The following DNAH6 variants were observed in gnomAD, a reference collection of about 807,000 sequenced individuals.
DNAH6 encodes the protein axonemal beta dynein heavy chain 6.
A neutral mutation model predicts 491.4 loss-of-function variants in DNAH6; 340 were observed. The observed-to-expected ratio is 0.69, with a 90% CI of 0.63 to 0.76. DNAH6 has a LOEUF of 0.76. Ranked by LOEUF, DNAH6 falls within the 30% of genes least tolerant of loss-of-function variation. The pLI is 0.00. For synonymous variants in DNAH6, 1,603 were observed against 1,686.1 expected (o/e 0.95, Z 1.21); for missense variants, 4,443 against 4,972.2 (o/e 0.89, Z 3.20).
At chr2:84,503,723 A>G in the DNAH6 span, among the ~76,000 whole-genome samples, 8 of 148,678 alleles carry the variant, frequency 5.4e-5, no homozygotes, top group Non-Finnish European at 8.9e-5. Flanking sequence ...ATGTCATGCC[A>G]CTCTCTCCTG....
intron 63 of DNAH6, among the ~76,000 whole-genome samples, chr2:84,759,931 G>A (rs921448287): frequency 6.6e-6 from 1 of 152,162 alleles, no homozygotes; most frequent in African/African-American, 2.4e-5. Context: ...CAAGGCTATA[G>A]TAATGAAAAC....
chr2:84,762,998 T>C, intron 64 of DNAH6, 53 bp downstream of exon 64: 3 of 1,402,274 alleles, frequency 2.1e-6, no homozygotes, highest in Non-Finnish European at 3.0e-6. Flanking sequence ...AACATCTCTT[T>C]GTTAAAATTT....
At chr2:84,523,448 A>G (rs1032064497) in intron 2 of DNAH6, among the ~76,000 whole-genome samples, 1 of 151,566 alleles carries the variant, frequency 6.6e-6, no homozygotes, top group Non-Finnish European at 1.5e-5. Context: ...TTATTTCTCA[A>G]TATCCTTCAG....
intron 41 of DNAH6, among the ~76,000 whole-genome samples, chr2:84,679,071 T>C (rs1693526581): frequency 6.6e-6 from 1 of 151,670 alleles, no homozygotes; most frequent in African/African-American, 2.4e-5. Flanking sequence ...TAATCAAGAA[T>C]TGAAGAAGAG....
intron 76 of DNAH6, 27 bp from the exon 77 acceptor site, chr2:84,819,278 A>AC (rs112294720): frequency 0.04 from 59,431 of 1,472,152 alleles, 2,772 homozygotes; most frequent in African/African-American, 0.23. Context: ...TTAAGTAACA[A>AC]CCTTTTTTTC....
At position 84,797,588 on chromosome 2, in the gene DNAH6, T is replaced by C. The variant is rs906181593; in HGVS notation, c.11411T>C (p.Ile3804Thr). 3.2e-6 allele frequency: 5 copies of C among 1,551,612 alleles called. No homozygotes were observed. Among genetic ancestry groups the C allele is most frequent in the East Asian group, 4.9e-5 (2 of 40,932 alleles). ...ADSLQEFKDY[I>T]ENLPLIDDPE... ...AGCCTACAAGAGTTTAAGGACTACA[T>C]TGAAAATCTGCCTTTGATCGATGAC... is the stretch of plus-strand genomic sequence containing the variant. Residue 3804 changes from isoleucine (I) to threonine (T), a missense_variant, in exon 70 of 77, where the codon ATT becomes ACT. Physicochemically the swap from Ile to Thr is moderately conservative, Grantham distance 89. Around this residue, in one of 3 missense-constraint regions of DNAH6, gnomAD observed 1,463 missense variants for 1,656.6 expected, o/e 0.88. Transcript: ENST00000389394.
rs1297440533 is a variant in DNAH6 at position 84,722,802 on chromosome 2, C to CAGG, written c.9971_9972+1dup. 2.7e-6 allele frequency: 4 copies of CAGG among 1,469,194 alleles called. No individual in the cohort carries two copies. The highest frequency in any genetic ancestry group is 2.8e-5 in the Admixed American group (1 of 35,174). The allele number at this position is 1,469,194 out of a possible 1,614,324, so 91.0% of individuals were successfully genotyped here. On this transcript the variant is annotated inframe_insertion and splice_region_variant, in exon 60 of 77. Coordinates refer to ENST00000389394, the MANE Select transcript of DNAH6 (RefSeq NM_001370.2). ...CCAGTACTCATTAAAATACTTTAAA[C>CAGG]AGGTAAGTGTGTTCATGTTGTTAAT... is the stretch of plus-strand genomic sequence containing the variant.
At chr2:84,479,129 C>G in the DNAH6 span, among the ~76,000 whole-genome samples, 1 of 152,240 alleles carries the variant, frequency 6.6e-6, no homozygotes. Flanking sequence ...CCGTAGTCTC[C>G]AACATTCAGC....
At chr2:84,783,806 T>C (rs567846299) in intron 65 of DNAH6, among the ~76,000 whole-genome samples, 1 of 152,296 alleles carries the variant, frequency 6.6e-6, no homozygotes, top group East Asian at 1.9e-4. Flanking sequence ...TACGTTGTGT[T>C]AGAACATGGT....
At chr2:84,634,668 A>G in intron 30 of DNAH6, 27 bp downstream of exon 30, 1 of 1,478,962 alleles carries the variant, frequency 6.8e-7, no homozygotes, top group Non-Finnish European at 9.0e-7. Context: ...TCGACTTTCA[A>G]GGTAGCAATC....
At chr2:84,523,396 C>CA (rs770629783) in intron 2 of DNAH6, among the ~76,000 whole-genome samples, 5 of 151,874 alleles carry the variant, frequency 3.3e-5, no homozygotes, top group Non-Finnish European at 5.9e-5. Flanking sequence ...TTAATGTCTT[C>CA]AAAAAACCAA....
chr2:84,694,863 A>G (rs1423398740), intron 46 of DNAH6, among the ~76,000 whole-genome samples: 1 of 152,206 alleles, frequency 6.6e-6, no homozygotes, highest in East Asian at 1.9e-4. Context: ...TTTGGGTTAA[A>G]TTACCTTTAA....
intron 35 of DNAH6, among the ~76,000 whole-genome samples, chr2:84,656,447 C>A (rs1360141153): frequency 6.6e-6 from 1 of 152,080 alleles, no homozygotes; most frequent in Non-Finnish European, 1.5e-5. Flanking sequence ...TCCTTGCCAG[C>A]ATTTGGCATT....
intron 22 of DNAH6, among the ~76,000 whole-genome samples, chr2:84,616,346 A>G (rs1055035221): frequency 2.6e-5 from 4 of 152,020 alleles, no homozygotes; most frequent in African/African-American, 7.2e-5. Context: ...TAATTGTTTT[A>G]TAAATTTATA....
In DNAH6 at chr2:84,531,218, G is replaced by A. The variant is rs190398361; in HGVS notation, c.662+2052G>A. On this transcript the variant is annotated intron_variant, in intron 4 of 76. Transcript: ENST00000389394. ...ATGAGATATGCATTTATCCCAGTGA[G>A]CACAGGGGTCACTTTGAATAGAATG... Among the ~76,000 whole-genome samples the A allele has an allele frequency of 5.3e-5, 8 of 152,218 alleles. No individual in the cohort carries two copies. The East Asian group carries it at 1.4e-3, about 26-fold the overall frequency.
In DNAH6 at chr2:84,557,908, T is replaced by G. The variant is rs1251259363; in HGVS notation, c.1776T>G (p.Asn592Lys). ...SLAAVFEDDK[N>K]FHTIISQIKE... ...CAGCAGTATTTGAGGATGATAAGAA[T>G]TTTCACACAATTATTTCTCAAATAA... is the stretch of plus-strand genomic sequence containing the variant. Residue 592 changes from asparagine (N) to lysine (K), a missense_variant, in exon 11 of 77, where the codon AAT (asparagine) becomes AAG (lysine). By Grantham distance (94) the Asn-to-Lys change is moderately conservative. Coordinates refer to ENST00000389394, the MANE Select transcript of DNAH6 (RefSeq NM_001370.2). 4 of 1,610,112 alleles carry G rather than the reference T, an allele frequency of 2.5e-6. No individual in the cohort carries two copies. Among genetic ancestry groups the G allele is most frequent in the Non-Finnish European group, 3.4e-6 (4 of 1,177,620 alleles).
rs570336875 is a variant in DNAH6, at chr2:84,746,920, C to G, written c.10512+1671C>G. On this transcript the variant is annotated intron_variant, in intron 63 of 76. Coordinates refer to ENST00000389394, the MANE Select transcript of DNAH6 (RefSeq NM_001370.2). ...AGCAAGAAAGAGGGGAGGGAGACAC[C>G]AGACTGTTTTAAACGTCTATCTCTT... Among the ~76,000 whole-genome samples, 23 of 152,194 alleles carry G rather than the reference C, an allele frequency of 1.5e-4. No individual in the cohort carries two copies. In the East Asian group the frequency reaches 4.2e-3, roughly 28 times the overall value.
At chr2:84,516,196 T>C (rs1026837126), upstream of DNAH6, among the ~76,000 whole-genome samples, 1 of 151,892 alleles carries the variant, frequency 6.6e-6, no homozygotes, top group African/African-American at 2.4e-5. Flanking sequence ...CTGTAAGAGG[T>C]TGAGATGGGT....
At chr2:84,725,027 T>C (rs940643098) in intron 60 of DNAH6, among the ~76,000 whole-genome samples, 2 of 152,202 alleles carry the variant, frequency 1.3e-5, no homozygotes, top group Non-Finnish European at 2.9e-5. Flanking sequence ...CACGTTGTCT[T>C]GGGTGGTTGG....
Sources: allele counts gnomAD v4.1 joint callset (sites outside exome capture counted in the v4.1 genomes callset), GRCh38; gene constraint gnomAD v4.1.1; regional missense constraint gnomAD v4.1.1; transcripts MANE v1.5; gene names NCBI Gene and HGNC (gene_info 2026-07-23, HGNC 2026-07-21).